COL9A3: variants seen among roughly 807,000 people sequenced by gnomAD.
COL9A3 encodes the protein collagen type IX alpha 3 chain, also known as collagen alpha-3(IX) chain.
Under a neutral mutation model 110.2 loss-of-function variants are expected in COL9A3, and 82 were observed. The observed-to-expected ratio is 0.74, with a 90% CI of 0.62 to 0.89. The LOEUF is 0.89. Ranked by LOEUF, COL9A3 falls within the 40% of genes least tolerant of loss-of-function variation. The probability of loss-of-function intolerance (pLI) is 0.00; values close to 1 mark genes in which losing one functional copy is unlikely to be tolerated. For missense variants in COL9A3, 1,066 were observed against 981.3 expected, an observed-to-expected ratio of 1.09 and a Z score of -1.15; for synonymous variants, 494 against 403.8, an observed-to-expected ratio of 1.22 and a Z score of -2.68.
intron 25 of COL9A3, 65 bp downstream of exon 25, chr20:62,832,254 C>T (rs1442175861): frequency 1.3e-6 from 2 of 1,532,390 alleles, no homozygotes; most frequent in East Asian, 2.2e-5. Flanking sequence ...TCCCAGGCTC[C>T]TCCTGTCCCG....
chr20:62,827,202 G>A, intron 15 of COL9A3, 39 bp from the exon 16 acceptor site: 1 of 1,610,270 alleles, frequency 6.2e-7, no homozygotes. Flanking sequence ...CCAACTCCAT[G>A]GTGTTAACTC....
chr20:62,836,928 C>T (rs2063641169), intron 29 of COL9A3, 155 bp from the exon 30 acceptor site: 2 of 1,009,438 alleles, frequency 2.0e-6, no homozygotes, highest in Non-Finnish European at 3.1e-6. Context: ...CTAGCTCCAG[C>T]ATTCATCACC....
chr20:62,826,256 G>C lies in COL9A3; in HGVS notation c.737G>C (p.Arg246Pro), dbSNP rs1277702961. The C allele has an allele frequency of 1.3e-6, 2 of 1,550,734 alleles. No individual in the cohort carries two copies. The highest frequency in any genetic ancestry group is 2.4e-5 in the South Asian group (2 of 84,188). The change falls in exon 14 of 32, where the codon CGG (arginine) becomes CCG (proline). Residue 246 changes from arginine to proline, a missense_variant and splice_region_variant. Physicochemically the swap from Arg to Pro is moderately radical, Grantham distance 103. Transcript: ENST00000649368. ...GGGCCACTCGGGCCCCCTGGGGACC[G>C]GGTAAGTCCTGCAGCCCCTAGTGGG... is the stretch of plus-strand genomic sequence containing the variant. ...LPGPLGPPGD[R>P]GPIGFRGPPG... is the part of the protein sequence containing the mutation.
chr20:62,818,670 G>GCCTCCCCTCA, intron 3 of COL9A3, 117 bp downstream of exon 3: 1 of 1,121,204 alleles, frequency 8.9e-7, no homozygotes, highest in Non-Finnish European at 1.3e-6. Context: ...GTTGCCTGAG[G>GCCTCCCCTCA]GGAGGCCTCA....
chr20:62,834,461 G>C (rs2063620001), intron 26 of COL9A3, among the ~76,000 whole-genome samples: 1 of 148,204 alleles, frequency 6.7e-6, no homozygotes, highest in Non-Finnish European at 1.5e-5. Context: ...AGGGAAGGAC[G>C]GCCTTTCTGG....
chr20:62,817,007 C>T (rs1200637406), upstream of COL9A3: 2 of 1,065,278 alleles, frequency 1.9e-6, no homozygotes, highest in African/African-American at 1.7e-5. Context: ...GCCCACCTCC[C>T]GCCCCGCCCG....
At chr20:62,825,907 A>T in intron 13 of COL9A3, 37 bp downstream of exon 13, 1 of 1,543,586 alleles carries the variant, frequency 6.5e-7, no homozygotes. Context: ...TGGGATGGGA[A>T]CTCAGCCCAC....
chr20:62,835,211 G>A (rs576009173), intron 26 of COL9A3, among the ~76,000 whole-genome samples: 65 of 152,344 alleles, frequency 4.3e-4, no homozygotes, highest in Non-Finnish European at 8.4e-4. Context: ...ACAGAACACC[G>A]CAGCTTGGGT....
Position 62,837,086 on chromosome 20 carries a change from A to G in COL9A3, c.1607A>G (p.Gln536Arg), listed in dbSNP as rs569370100. The G allele has an allele frequency of 3.1e-6, 5 of 1,613,278 alleles. No homozygotes were observed. In the South Asian group the frequency reaches 4.4e-5, roughly 14 times the overall value. ...CTGCACCCTTGTTTTCCCAAAGAAC[A>G]AATTGCACAGTTAGCCGCGCACCTA... is the stretch of plus-strand genomic sequence containing the variant. ...RELCGGMISEQIAQLAAHLRK... is the reference protein window; with the variant it reads ...RELCGGMISERIAQLAAHLRK... The change falls in exon 30 of 32, where the codon CAA (glutamine) becomes CGA (arginine). Residue 536 changes from glutamine (Q) to arginine (R), a missense_variant. Transcript: ENST00000649368.
At chr20:62,824,302 G>A in intron 10 of COL9A3, 143 bp from the exon 11 acceptor site, 1 of 814,662 alleles carries the variant, frequency 1.2e-6, no homozygotes. Flanking sequence ...GGCCTCCTGG[G>A]GTCCTGTCAC....
At chr20:62,835,342 G>A (rs193214797) in intron 26 of COL9A3, among the ~76,000 whole-genome samples, 1 of 152,340 alleles carries the variant, frequency 6.6e-6, no homozygotes, top group Admixed American at 6.5e-5. Flanking sequence ...AGGCAGAAGG[G>A]CCAAGAGGAG....
chr20:62,826,244 C>A lies in COL9A3; in HGVS notation c.725C>A (p.Pro242His). 6.4e-7 allele frequency: 1 copy of A among 1,553,694 alleles called. No individual in the cohort carries two copies. Residue 242 changes from proline to histidine, a missense_variant, in exon 14 of 32, where the codon CCC becomes CAC. By Grantham distance (77) the Pro-to-His change is moderately conservative. Coordinates refer to ENST00000649368, the MANE Select transcript of COL9A3 (RefSeq NM_001853.4). ...CGAGGACTGCCAGGGCCACTCGGGCCCCCTGGGGACCGGGTAAGTCCTGCA... is the reference window on the plus strand; with the variant it reads ...CGAGGACTGCCAGGGCCACTCGGGCACCCTGGGGACCGGGTAAGTCCTGCA... ...GLRGLPGPLGPPGDRGPIGFR... is the reference protein window; with the variant it reads ...GLRGLPGPLGHPGDRGPIGFR...
chr20:62,827,350 C>T, intron 16 of COL9A3, 56 bp downstream of exon 16: 3 of 1,571,686 alleles, frequency 1.9e-6, no homozygotes, highest in African/African-American at 1.3e-5. Flanking sequence ...CCCAATTTCC[C>T]TCCTGACTCG....
At chr20:62,835,810 G>A in intron 26 of COL9A3, 111 bp from the exon 27 acceptor site, 4 of 1,056,546 alleles carry the variant, frequency 3.8e-6, no homozygotes, top group East Asian at 2.4e-5. Context: ...ATATTTGGAT[G>A]TAGTCTAATA....
intron 6 of COL9A3, 123 bp from the exon 7 acceptor site, chr20:62,821,384 G>A: frequency 7.0e-7 from 1 of 1,421,394 alleles, no homozygotes; most frequent in East Asian, 2.3e-5. Context: ...TCTCTGGGCT[G>A]GGACCAGACA....
Position 62,837,219 on chromosome 20 carries a change from T to C in COL9A3, c.1740T>C (p.Pro580=), listed in dbSNP as rs2294995. Residue 580 remains proline (P), a synonymous_variant, in exon 30 of 32, where the codon CCT becomes CCC. Transcript: ENST00000649368. ...GTCACCCTGGCGCTCGAGGACCCCC[T>C]GGATACCGCGGTCCCACTGGGGAGC... ...SIGHPGARGP[P]GYRGPTGELG... The C allele has an allele frequency of 0.69, 1,112,251 of 1,611,778 alleles. 387,113 individuals are homozygous for C. The highest frequency in any genetic ancestry group is 0.93 in the African/African-American group (70,017 of 74,998).
chr20:62,838,143 T>C (rs990072650), intron 30 of COL9A3, among the ~76,000 whole-genome samples: 1 of 152,256 alleles, frequency 6.6e-6, no homozygotes, highest in Admixed American at 6.5e-5. Context: ...CCATTTAAAT[T>C]GGCTGCCAGA....
At position 62,829,646 on chromosome 20, in the gene COL9A3, G is replaced by C; in HGVS notation, c.1072G>C (p.Gly358Arg). Residue 358 changes from glycine to arginine, a missense_variant, in exon 21 of 32, where the codon GGT (glycine) becomes CGT (arginine). Gly to Arg is a moderately radical substitution (Grantham distance 125, BLOSUM62 -2). Coordinates refer to ENST00000649368, the MANE Select transcript of COL9A3 (RefSeq NM_001853.4). Reference protein sequence around the residue: ...KGERGRAGELGEAGPSGEPGV... With the variant: ...KGERGRAGELREAGPSGEPGV... ...TCTACAGGGCAGAGCTGGGGAGCTG[G>C]GTGAGGCCGGCCCCTCTGGAGAGCC... 1 of 1,609,686 alleles carries C rather than the reference G, an allele frequency of 6.2e-7. No homozygotes were observed. The highest frequency in any genetic ancestry group is 8.5e-7 in the Non-Finnish European group (1 of 1,178,812).
chr20:62,826,320 C>G, intron 14 of COL9A3, 63 bp downstream of exon 14: 2 of 1,435,380 alleles, frequency 1.4e-6, no homozygotes, highest in Non-Finnish European at 1.9e-6. Flanking sequence ...GTCTGCACCT[C>G]CAGACTTCAG....
Sources: gnomAD v4.1 joint callset for allele counts (sites outside exome capture counted in the v4.1 genomes callset) on GRCh38, gnomAD v4.1.1 for gene constraint, MANE v1.5 for transcripts, NCBI Gene and HGNC (gene_info 2026-07-23, HGNC 2026-07-21) for gene names.